TOMM20L: variants seen among roughly 807,000 people sequenced by gnomAD.
TOMM20L encodes the protein translocase of outer mitochondrial membrane 20 like.
In TOMM20L, 19 loss-of-function variants were observed where a neutral mutation model predicts 20.4. The observed-to-expected ratio is 0.93, with a 90% confidence interval of 0.65 to 1.36. TOMM20L has a LOEUF of 1.36. Ranked by LOEUF, TOMM20L falls within the 40% of genes most tolerant of loss-of-function variation. The pLI, the probability that TOMM20L is intolerant of heterozygous loss-of-function variation, is 0.00. For missense variants in TOMM20L, 218 were observed against 203.7 expected (o/e 1.07, Z -0.43); for synonymous variants, 75 against 79.6 (o/e 0.94, Z 0.30).
chr14:58,405,807 T>C (rs2036050259), intron 3 of TOMM20L, among the ~76,000 whole-genome samples: 1 of 152,214 alleles, frequency 6.6e-6, no homozygotes, highest in East Asian at 1.9e-4. Flanking sequence ...CCCACCCCCC[T>C]AATAGTTCTT....
intron 2 of TOMM20L, among the ~76,000 whole-genome samples, chr14:58,398,157 C>T (rs1429933443): frequency 6.6e-6 from 1 of 152,186 alleles, no homozygotes; most frequent in Non-Finnish European, 1.5e-5. Context: ...CCTGATACAG[C>T]TCCATGTCCC....
Position 58,408,678 on chromosome 14 carries a change from G to T in TOMM20L, c.*96G>T. ...GATATTTCCATTTATTTTACTTTGAGTAATAAAAATTTTTCTATCTCATAC... is the reference window on the plus strand; with the variant it reads ...GATATTTCCATTTATTTTACTTTGATTAATAAAAATTTTTCTATCTCATAC... On this transcript the variant is annotated 3_prime_UTR_variant, in exon 5 of 5. Transcript: ENST00000360945. 1 of 1,292,198 alleles carries T rather than the reference G, an allele frequency of 7.7e-7. No individual in the cohort carries two copies. Among genetic ancestry groups the T allele is most frequent in the Non-Finnish European group, 1.1e-6 (1 of 940,186 alleles). 80.0% of individuals were successfully genotyped at this position (1,292,198 alleles called of 1,614,324 possible). A position where few individuals can be genotyped will look rare whatever the true frequency, so the allele number is the denominator to read the frequency against.
chr14:58,413,782 C>T, the TOMM20L span, among the ~76,000 whole-genome samples: 2 of 150,964 alleles, frequency 1.3e-5, no homozygotes, highest in Non-Finnish European at 3.0e-5. Flanking sequence ...CTGAGGCGGG[C>T]AGATTACGAG....
At chr14:58,398,306 C>T (rs142958493) in intron 2 of TOMM20L, among the ~76,000 whole-genome samples, 7 of 152,262 alleles carry the variant, frequency 4.6e-5, no homozygotes, top group Admixed American at 3.9e-4. Context: ...GAGTCTAGTG[C>T]GGTAGGTGCC....
the TOMM20L span, among the ~76,000 whole-genome samples, chr14:58,415,405 T>C: frequency 6.6e-6 from 1 of 152,174 alleles, no homozygotes; most frequent in Admixed American, 6.5e-5. Context: ...TAATATGTGT[T>C]AGGATTATCT....
At chr14:58,409,610 G>C (rs1243536202), downstream of TOMM20L, among the ~76,000 whole-genome samples, 3 of 151,740 alleles carry the variant, frequency 2.0e-5, no homozygotes, top group Non-Finnish European at 4.4e-5. Flanking sequence ...AGGGAGTCTC[G>C]CTGTGTCACC....
chr14:58,396,899 G>T (rs2035933578), intron 2 of TOMM20L, among the ~76,000 whole-genome samples: 1 of 152,220 alleles, frequency 6.6e-6, no homozygotes, highest in Non-Finnish European at 1.5e-5. Flanking sequence ...TTTGAGACCA[G>T]CCTGGCCAAC....
At chr14:58,396,457 C>T in intron 2 of TOMM20L, 116 bp downstream of exon 2, 1 of 1,157,664 alleles carries the variant, frequency 8.6e-7, no homozygotes, top group East Asian at 2.6e-5. Flanking sequence ...CCGCCCGTGC[C>T]CGGGAAGAGG....
downstream of TOMM20L, chr14:58,410,718 G>A (rs2036188183): frequency 3.1e-6 from 2 of 649,098 alleles, no homozygotes; most frequent in Non-Finnish European, 5.2e-6. Context: ...GTTCTTCCAA[G>A]CAATGGAACA....
At chr14:58,400,947 C>A (rs989777168) in intron 2 of TOMM20L, among the ~76,000 whole-genome samples, 1 of 152,190 alleles carries the variant, frequency 6.6e-6, no homozygotes, top group Non-Finnish European at 1.5e-5. Flanking sequence ...ATGTTCCCTG[C>A]AATTTTGCGT....
chr14:58,405,080 G>A (rs375654032), intron 3 of TOMM20L, among the ~76,000 whole-genome samples: 3 of 151,130 alleles, frequency 2.0e-5, no homozygotes, highest in African/African-American at 7.3e-5. Flanking sequence ...GCGATTCTCC[G>A]GCCTCAGCCT....
chr14:58,415,987 G>A, the TOMM20L span, among the ~76,000 whole-genome samples: 6 of 151,988 alleles, frequency 3.9e-5, no homozygotes, highest in South Asian at 2.1e-4. Flanking sequence ...AGGCCAAAGC[G>A]GGTGGGTCGA....
chr14:58,412,601 A>C (rs1301995675), downstream of TOMM20L, among the ~76,000 whole-genome samples: 3 of 152,082 alleles, frequency 2.0e-5, no homozygotes, highest in African/African-American at 7.2e-5. Context: ...GTTTGGGCTT[A>C]AAAAAATAAT....
At chr14:58,397,130 G>A (rs2035937095) in intron 2 of TOMM20L, among the ~76,000 whole-genome samples, 1 of 152,244 alleles carries the variant, frequency 6.6e-6, no homozygotes, top group Admixed American at 6.5e-5. Context: ...CTGGCCACAA[G>A]CAATCCGCAG....
chr14:58,409,505 T>C (rs565469285), downstream of TOMM20L, among the ~76,000 whole-genome samples: 2 of 152,338 alleles, frequency 1.3e-5, no homozygotes, highest in South Asian at 4.1e-4. Flanking sequence ...GTAGACCCAG[T>C]AGTAAGTTTG....
At chr14:58,401,204 G>A (rs1261016744) in intron 2 of TOMM20L, among the ~76,000 whole-genome samples, 6 of 152,142 alleles carry the variant, frequency 3.9e-5, no homozygotes, top group Non-Finnish European at 8.8e-5. Flanking sequence ...GCCCTTGCCA[G>A]TGCTCACTAA....
chr14:58,398,097 G>C (rs577700472), intron 2 of TOMM20L, among the ~76,000 whole-genome samples: 1 of 152,290 alleles, frequency 6.6e-6, no homozygotes, highest in South Asian at 2.1e-4. Flanking sequence ...AGTGTCCAAA[G>C]AGCTGGACAT....
chr14:58,397,090 T>C (rs1683144351), intron 2 of TOMM20L, among the ~76,000 whole-genome samples: 1 of 152,132 alleles, frequency 6.6e-6, no homozygotes, highest in Admixed American at 6.5e-5. Flanking sequence ...ACAAGGGTGT[T>C]CCTATGTTGC....
At chr14:58,401,484 G>A (rs1386663348) in intron 2 of TOMM20L, among the ~76,000 whole-genome samples, 1 of 151,728 alleles carries the variant, frequency 6.6e-6, no homozygotes, top group African/African-American at 2.4e-5. Context: ...GCAGGAGAAT[G>A]GCGTGAACCT....
Sources: allele counts gnomAD v4.1 joint callset (sites outside exome capture counted in the v4.1 genomes callset), GRCh38; gene constraint gnomAD v4.1.1; transcripts MANE v1.5; gene names NCBI Gene and HGNC (gene_info 2026-07-23, HGNC 2026-07-21).